The following GLRA1 variants were observed in gnomAD, a reference collection of about 807,000 sequenced individuals.
The protein encoded by GLRA1 is glycine receptor alpha 1.
In GLRA1, 37 loss-of-function variants were observed where a neutral mutation model predicts 48.3. The observed-to-expected ratio is 0.77, with a 90% confidence interval of 0.59 to 1.01. The LOEUF is 1.01. GLRA1 is among the 50% of genes least tolerant of loss of function. GLRA1 has a pLI of 0.00. For missense variants in GLRA1, 427 were observed against 571.0 expected, an observed-to-expected ratio of 0.75 and a Z score of 2.57; for synonymous variants, 196 against 210.7, an observed-to-expected ratio of 0.93 and a Z score of 0.60.
chr5:151,853,759 T>C (rs549751013), intron 6 of GLRA1, among the ~76,000 whole-genome samples: 1 of 152,300 alleles, frequency 6.6e-6, no homozygotes, highest in South Asian at 2.1e-4. Flanking sequence ...GTTTTTGGTG[T>C]TATATCTAGG....
rs1753339834 is a variant in GLRA1, at chr5:151,866,485, G to A, written c.253-6477C>T. Among the ~76,000 whole-genome samples, 5 of 152,162 alleles carry A rather than the reference G, an allele frequency of 3.3e-5. No individual in the cohort carries two copies. In the South Asian group the frequency reaches 1.0e-3, roughly 32 times the overall value. ...TAGTAGGATAGAACTAAGAGCTTGT[G>A]CAAGATTGTTGGTGGGAAGGGTATG... On this transcript the variant is annotated intron_variant, in intron 3 of 8. Transcript: ENST00000274576.
intron 3 of GLRA1, among the ~76,000 whole-genome samples, chr5:151,874,315 T>C (rs1396581851): frequency 6.6e-6 from 1 of 152,154 alleles, no homozygotes; most frequent in East Asian, 1.9e-4. Context: ...GGGTGACGGG[T>C]TCAATGGAAA....
chr5:151,903,854 A>G (rs1387167568), intron 1 of GLRA1, among the ~76,000 whole-genome samples: 1 of 152,198 alleles, frequency 6.6e-6, no homozygotes, highest in Admixed American at 6.5e-5. Flanking sequence ...TTTTCAGATG[A>G]GAAAACTGAG....
chr5:151,840,220 A>G (rs1194501141), intron 7 of GLRA1, among the ~76,000 whole-genome samples: 1 of 152,066 alleles, frequency 6.6e-6, no homozygotes, highest in Non-Finnish European at 1.5e-5. Context: ...CAGCCTCCCA[A>G]GTAGCTAGGA....
chr5:151,852,191 C>T (rs2113344781), intron 6 of GLRA1, among the ~76,000 whole-genome samples: 1 of 152,280 alleles, frequency 6.6e-6, no homozygotes, highest in South Asian at 2.1e-4. Flanking sequence ...TCATGACTCC[C>T]TATATGCCAT....
chr5:151,881,605 G>A (rs1366238), intron 3 of GLRA1, among the ~76,000 whole-genome samples: 89,744 of 151,304 alleles, frequency 0.59, 26,738 homozygotes, highest in East Asian at 0.69. Context: ...CAAAGTGCTG[G>A]GATTACAGGT....
chr5:151,884,757 A>C (rs57501811), intron 3 of GLRA1, among the ~76,000 whole-genome samples: 2,425 of 152,314 alleles, frequency 0.016, 59 homozygotes, highest in African/African-American at 0.055. Flanking sequence ...TTACAGAACC[A>C]GGTGGTCCAC....
At chr5:151,916,362 G>T (rs1356034359) in intron 1 of GLRA1, among the ~76,000 whole-genome samples, 1 of 152,220 alleles carries the variant, frequency 6.6e-6, no homozygotes, top group African/African-American at 2.4e-5. Context: ...TGGCAGCCAG[G>T]GTTGCAGCAG....
chr5:151,900,013 C>T (rs150916965), intron 1 of GLRA1, among the ~76,000 whole-genome samples: 149 of 152,282 alleles, frequency 9.8e-4, no homozygotes, highest in Middle Eastern at 3.4e-3. Context: ...CTGGTTCTGC[C>T]TCTGACCCTA....
chr5:151,849,137 T>TC (rs1752783207), intron 7 of GLRA1: 1 of 200,596 alleles, frequency 5.0e-6, no homozygotes, highest in African/African-American at 4.5e-5. Flanking sequence ...TCTTTCTTTC[T>TC]TTCTTTCTTT....
chr5:151,884,049 G>T (rs1229470676), intron 3 of GLRA1, among the ~76,000 whole-genome samples: 2 of 152,194 alleles, frequency 1.3e-5, no homozygotes, highest in African/African-American at 4.8e-5. Context: ...CAATGATAAT[G>T]TTGGGGCTGC....
rs572737975 is a variant in GLRA1, at chr5:151,893,244, A to C, written c.57-806T>G. Among the ~76,000 whole-genome samples, 64 of 152,204 alleles carry C rather than the reference A, an allele frequency of 4.2e-4. 3 individuals carry two copies. In the South Asian group the frequency reaches 1.0e-2, roughly 24 times the overall value. On this transcript the variant is annotated intron_variant, in intron 1 of 8. Transcript: ENST00000274576. Reference sequence around the variant, plus strand: ...AGGCCCCATTCACACCACAGTATGAATTACTCATGTATTAAGAACATGACC... The same window carrying C: ...AGGCCCCATTCACACCACAGTATGACTTACTCATGTATTAAGAACATGACC...
At chr5:151,917,828 T>A (rs1035749341) in intron 1 of GLRA1, among the ~76,000 whole-genome samples, 2 of 152,090 alleles carry the variant, frequency 1.3e-5, no homozygotes, top group African/African-American at 2.4e-5. Flanking sequence ...GTGGAAGAGT[T>A]GGGAATGTAC....
intron 6 of GLRA1, among the ~76,000 whole-genome samples, 159 bp from the exon 7 acceptor site, chr5:151,851,763 T>C (rs1022954573): frequency 2.0e-5 from 3 of 152,218 alleles, no homozygotes; most frequent in Non-Finnish European, 2.9e-5. Context: ...TTATGTATAG[T>C]AAACTGGGGA....
At chr5:151,829,320 G>A (rs1001685044) in intron 7 of GLRA1, among the ~76,000 whole-genome samples, 4 of 152,188 alleles carry the variant, frequency 2.6e-5, no homozygotes, top group Non-Finnish European at 5.9e-5. Context: ...GGTATATTTA[G>A]CATTATCATT....
chr5:151,897,455 GT>G (rs202217569), intron 1 of GLRA1, among the ~76,000 whole-genome samples: 1,574 of 147,368 alleles, frequency 0.011, 24 homozygotes, highest in African/African-American at 0.031. Flanking sequence ...AAATGATGCA[GT>G]TTTTTTTTTT....
intron 6 of GLRA1, among the ~76,000 whole-genome samples, chr5:151,853,000 A>T (rs954701225): frequency 6.6e-6 from 1 of 152,338 alleles, no homozygotes; most frequent in Non-Finnish European, 1.5e-5. Context: ...ACAGAAAGAC[A>T]TATATTGTAT....
At chr5:151,841,178 T>C (rs567981489) in intron 7 of GLRA1, among the ~76,000 whole-genome samples, 18 of 152,170 alleles carry the variant, frequency 1.2e-4, no homozygotes, top group African/African-American at 4.3e-4. Flanking sequence ...ACAAAATATG[T>C]TTTCTGATTT....
chr5:151,856,150 T>G (rs1400249631), intron 5 of GLRA1, 151 bp downstream of exon 5: 3 of 630,760 alleles, frequency 4.8e-6, no homozygotes, highest in Non-Finnish European at 6.0e-6. Flanking sequence ...TAATGCATTT[T>G]CTAAAAGCAA....
Sources: allele counts gnomAD v4.1 joint callset (sites outside exome capture counted in the v4.1 genomes callset), GRCh38; gene constraint gnomAD v4.1.1; transcripts MANE v1.5; gene names NCBI Gene and HGNC (gene_info 2026-07-23, HGNC 2026-07-21).